Variants in MAN1A2 observed in about 807,000 individuals in gnomAD.
MAN1A2 encodes the protein mannosidase alpha class 1A member 2, also known as mannosyl-oligosaccharide 1,2-alpha-mannosidase IB.
MAN1A2 carries 26 observed loss-of-function variants against 75.7 expected under a neutral mutation model. The observed-to-expected ratio is 0.34, with a 90% CI of 0.25 to 0.48. The LOEUF is 0.48. MAN1A2 is among the 20% of genes least tolerant of loss of function. The pLI, the probability that MAN1A2 is intolerant of heterozygous loss-of-function variation, is 0.99. For synonymous variants in MAN1A2, 247 were observed against 264.6 expected, an observed-to-expected ratio of 0.93 and a Z score of 0.65; for missense variants, 562 against 775.5, an observed-to-expected ratio of 0.72 and a Z score of 3.27.
chr1:117,496,321 G>C lies in MAN1A2; in HGVS notation c.1285-442G>C, dbSNP rs79941237. Among the ~76,000 whole-genome samples, 49 of 152,036 alleles carry C rather than the reference G, an allele frequency of 3.2e-4. 1 individual carries two copies. In the East Asian group the frequency reaches 9.3e-3, roughly 29 times the overall value. Reference sequence around the variant, plus strand: ...AAATCTCATTTTAAAACTGAAATGTGATTGTTATACTCTGATATACTCAAG... The same window carrying C: ...AAATCTCATTTTAAAACTGAAATGTCATTGTTATACTCTGATATACTCAAG... On this transcript the variant is annotated intron_variant, in intron 9 of 12. Transcript: ENST00000356554.
chr1:117,457,299 C>T (rs1046535686), intron 6 of MAN1A2, among the ~76,000 whole-genome samples: 2 of 151,990 alleles, frequency 1.3e-5, no homozygotes, highest in South Asian at 2.1e-4. Context: ...TTTTGTTACT[C>T]AGGTTCTCTG....
At chr1:117,433,989 T>G (rs780017887) in intron 5 of MAN1A2, among the ~76,000 whole-genome samples, 15 of 152,130 alleles carry the variant, frequency 9.9e-5, no homozygotes, top group Non-Finnish European at 1.9e-4. Flanking sequence ...AGCTTTAAGG[T>G]AATAGATGGA....
intron 7 of MAN1A2, among the ~76,000 whole-genome samples, chr1:117,463,891 G>A (rs754109278): frequency 2.6e-5 from 4 of 152,052 alleles, no homozygotes; most frequent in Non-Finnish European, 5.9e-5. Flanking sequence ...CAAAGAACTC[G>A]TTGCACATAG....
rs556845862 is a variant in MAN1A2 at position 117,499,249 on chromosome 1, G to A, written c.1505-133G>A. The stretch of plus-strand genomic sequence containing the variant: ...CTTTTAAAATGACTCATTTTGCACT[G>A]AGTGCAAACAGCAACAATAAAAATA... On this transcript the variant is annotated intron_variant, in intron 10 of 12. Coordinates refer to ENST00000356554, the MANE Select transcript of MAN1A2 (RefSeq NM_006699.5). 3 of 553,488 alleles carry A rather than the reference G, an allele frequency of 5.4e-6. No individual in the cohort carries two copies. The African/African-American group carries it at 5.9e-5, about 11-fold the overall frequency. 34.3% of individuals were successfully genotyped at this position (553,488 alleles called of 1,614,324 possible).
At chr1:117,431,206 G>A (rs1376066301) in intron 5 of MAN1A2, among the ~76,000 whole-genome samples, 2 of 22,200 alleles carry the variant, frequency 9.0e-5, no homozygotes, top group African/African-American at 1.4e-4. Flanking sequence ...GGAGGGGGAG[G>A]GGGAGGGGGA....
At position 117,395,768 on chromosome 1, in the gene MAN1A2, T is replaced by G. The variant is rs567313105; in HGVS notation, c.303-6418T>G. On this transcript the variant is annotated intron_variant, in intron 1 of 12. Coordinates refer to ENST00000356554, the MANE Select transcript of MAN1A2 (RefSeq NM_006699.5). ...AAGGTACTCAGCCAAACTGCAAAGT[T>G]TGAGGACACAGTTCTTCACATGACC... is the stretch of plus-strand genomic sequence containing the variant. 3.5e-4 allele frequency among the ~76,000 whole-genome samples: 54 copies of G among 152,314 alleles called. No individual in the cohort carries two copies. In the Middle Eastern group the frequency reaches 0.01, roughly 29 times the overall value.
At chr1:117,405,408 T>C in intron 2 of MAN1A2, 141 bp from the exon 3 acceptor site, 1 of 634,988 alleles carries the variant, frequency 1.6e-6, no homozygotes, top group Non-Finnish European at 2.8e-6. Context: ...TTCATACTGA[T>C]ACAAATGCTA....
intron 4 of MAN1A2, among the ~76,000 whole-genome samples, chr1:117,417,135 A>C (rs577948985): frequency 1.3e-5 from 2 of 152,188 alleles, no homozygotes; most frequent in Non-Finnish European, 2.9e-5. Flanking sequence ...TCCAACTCCC[A>C]TATACCAAAG....
At chr1:117,470,243 T>C (rs1285131427) in intron 8 of MAN1A2, among the ~76,000 whole-genome samples, 2 of 152,142 alleles carry the variant, frequency 1.3e-5, no homozygotes, top group South Asian at 4.1e-4. Flanking sequence ...ATTCCACTTA[T>C]ATCAAATATC....
At chr1:117,439,608 C>T (rs1475746203) in intron 5 of MAN1A2, among the ~76,000 whole-genome samples, 1 of 152,070 alleles carries the variant, frequency 6.6e-6, no homozygotes, top group Non-Finnish European at 1.5e-5. Context: ...ATTCTCCGGC[C>T]TCAGCCTCCT....
At chr1:117,456,394 G>A (rs979957114) in intron 6 of MAN1A2, among the ~76,000 whole-genome samples, 2 of 151,880 alleles carry the variant, frequency 1.3e-5, no homozygotes, top group Non-Finnish European at 2.9e-5. Flanking sequence ...AATGAATGGG[G>A]GAGCTGAAAT....
At chr1:117,474,181 C>T (rs1033225412) in intron 8 of MAN1A2, among the ~76,000 whole-genome samples, 3 of 151,912 alleles carry the variant, frequency 2.0e-5, no homozygotes, top group Admixed American at 2.0e-4. Flanking sequence ...TGCAAAGGAT[C>T]CAAACTTATT....
chr1:117,481,297 T>G (rs1403064844), intron 8 of MAN1A2, among the ~76,000 whole-genome samples: 1 of 151,828 alleles, frequency 6.6e-6, no homozygotes, highest in Non-Finnish European at 1.5e-5. Context: ...GTACCTCTTC[T>G]TCATGTCTTG....
At chr1:117,415,741 C>A (rs1416067498) in intron 4 of MAN1A2, among the ~76,000 whole-genome samples, 2 of 151,964 alleles carry the variant, frequency 1.3e-5, no homozygotes, top group Non-Finnish European at 2.9e-5. Flanking sequence ...CATCAAGGAT[C>A]TAGGATCATT....
chr1:117,405,206 G>A (rs1290598985), intron 2 of MAN1A2, among the ~76,000 whole-genome samples: 2 of 152,150 alleles, frequency 1.3e-5, no homozygotes, highest in African/African-American at 2.4e-5. Context: ...GTTAATTGGT[G>A]GTAGAAGCAG....
chr1:117,493,705 T>G (rs1319781276), intron 9 of MAN1A2: 2 of 153,002 alleles, frequency 1.3e-5, no homozygotes, highest in Admixed American at 6.5e-5. Context: ...CGCTTGAACC[T>G]GGAAGGCAGA....
At chr1:117,423,630 G>A (rs1337251092) in intron 5 of MAN1A2, among the ~76,000 whole-genome samples, 1 of 151,718 alleles carries the variant, frequency 6.6e-6, no homozygotes, top group Admixed American at 6.6e-5. Context: ...GTTTCCCATT[G>A]TTCATTGTCA....
At position 117,398,149 on chromosome 1, in the gene MAN1A2, A is replaced by G. The variant is rs141639443; in HGVS notation, c.303-4037A>G. ...AGGGTCTCTGAACTTAATGGAGTTA[A>G]TAGTCATCAGGAGAGACAGGCATTA... On this transcript the variant is annotated intron_variant, in intron 1 of 12. Coordinates refer to ENST00000356554, the MANE Select transcript of MAN1A2 (RefSeq NM_006699.5). Among the ~76,000 whole-genome samples, 222 of 152,308 alleles carry G rather than the reference A, an allele frequency of 1.5e-3. 1 individual carries two copies. Among genetic ancestry groups the G allele is most frequent in the Non-Finnish European group, 2.4e-3 (160 of 68,024 alleles).
At chr1:117,482,877 T>C (rs1333242413) in intron 8 of MAN1A2, among the ~76,000 whole-genome samples, 2 of 151,998 alleles carry the variant, frequency 1.3e-5, no homozygotes, top group African/African-American at 4.8e-5. Flanking sequence ...TTTTAGGTCT[T>C]AGGTTTAAGT....
Sources: gnomAD v4.1 joint callset for allele counts (sites outside exome capture counted in the v4.1 genomes callset) on GRCh38, gnomAD v4.1.1 for gene constraint, MANE v1.5 for transcripts, NCBI Gene and HGNC (gene_info 2026-07-23, HGNC 2026-07-21) for gene names.